CRYBG1: variants seen among roughly 807,000 people sequenced by gnomAD.
The protein encoded by CRYBG1 is beta/gamma crystallin domain-containing protein 1.
A neutral mutation model predicts 189.2 loss-of-function variants in CRYBG1; 139 were observed. The observed-to-expected ratio is 0.73, with a 90% CI of 0.64 to 0.85. The LOEUF is 0.85. Ranked by LOEUF, CRYBG1 falls within the 40% of genes least tolerant of loss-of-function variation. The pLI, the probability that CRYBG1 is intolerant of heterozygous loss-of-function variation, is 0.00. For missense variants in CRYBG1, 2,611 were observed against 2,675.8 expected, an observed-to-expected ratio of 0.98 and a Z score of 0.53; for synonymous variants, 1,023 against 1,017.1, an observed-to-expected ratio of 1.01 and a Z score of -0.11.
chr6:106,421,418 G>A (rs1443207038), intron 1 of CRYBG1, among the ~76,000 whole-genome samples: 1 of 152,156 alleles, frequency 6.6e-6, no homozygotes, highest in African/African-American at 2.4e-5. Flanking sequence ...TGGCAGTGGG[G>A]AAGATGGGGT....
intron 1 of CRYBG1, among the ~76,000 whole-genome samples, chr6:106,434,293 CCA>C (rs1262893952): frequency 6.6e-6 from 1 of 151,978 alleles, no homozygotes; most frequent in Non-Finnish European, 1.5e-5. Context: ...GGCGTAAATA[CCA>C]GAAGGTGAGG....
At chr6:106,390,317 C>T (rs803526) in intron 1 of CRYBG1, among the ~76,000 whole-genome samples, 68,367 of 151,830 alleles carry the variant, frequency 0.45, 16,151 homozygotes, top group East Asian at 0.67. Flanking sequence ...GGTTCTTTGG[C>T]ACTTCCTTAC....
chr6:106,424,679 C>T (rs1422793112), intron 1 of CRYBG1, among the ~76,000 whole-genome samples: 1 of 152,150 alleles, frequency 6.6e-6, no homozygotes, highest in African/African-American at 2.4e-5. Flanking sequence ...CCAGGCTGCT[C>T]TCAAACTCCT....
At chr6:106,508,295 T>C (rs1349481800) in intron 2 of CRYBG1, among the ~76,000 whole-genome samples, 1 of 116,904 alleles carries the variant, frequency 8.6e-6, no homozygotes, top group East Asian at 3.2e-4. Context: ...CTATTCTTTA[T>C]TTCCCAGGGG....
chr6:106,465,579 G>A (rs918612397), intron 2 of CRYBG1, among the ~76,000 whole-genome samples: 22 of 152,102 alleles, frequency 1.4e-4, no homozygotes, highest in African/African-American at 7.2e-5. Flanking sequence ...CGCTGAATCC[G>A]TGTAGATTTC....
chr6:106,532,960 C>T (rs6928541), intron 8 of CRYBG1, among the ~76,000 whole-genome samples: 103,823 of 152,050 alleles, frequency 0.68, 36,174 homozygotes, highest in South Asian at 0.84. Flanking sequence ...CTACCATGTG[C>T]CAGGTGCTTT....
intron 2 of CRYBG1, among the ~76,000 whole-genome samples, chr6:106,474,177 A>G (rs1270202981): frequency 6.6e-6 from 1 of 152,202 alleles, no homozygotes; most frequent in African/African-American, 2.4e-5. Context: ...TGTTTTTACT[A>G]TAAACCATCT....
At chr6:106,487,604 T>A (rs779735375) in intron 2 of CRYBG1, among the ~76,000 whole-genome samples, 7 of 152,196 alleles carry the variant, frequency 4.6e-5, no homozygotes, top group Non-Finnish European at 8.8e-5. Flanking sequence ...TTACTGTATT[T>A]TTTATTCACT....
At chr6:106,458,654 G>T (rs905922408) in intron 2 of CRYBG1, among the ~76,000 whole-genome samples, 1 of 152,228 alleles carries the variant, frequency 6.6e-6, no homozygotes, top group East Asian at 1.9e-4. Flanking sequence ...TTCAGTTCTA[G>T]TATGAACTTT....
intron 1 of CRYBG1, among the ~76,000 whole-genome samples, chr6:106,442,522 A>C (rs2114423407): frequency 6.6e-6 from 1 of 152,346 alleles, no homozygotes; most frequent in African/African-American, 2.4e-5. Flanking sequence ...AATAATAACC[A>C]ACAGACCAGT....
In CRYBG1 at chr6:106,527,413, C is replaced by A. The variant is rs1028996917; in HGVS notation, c.4521C>A (p.His1507Gln). 1.9e-6 allele frequency: 3 copies of A among 1,613,506 alleles called. No individual in the cohort carries two copies. The highest frequency in any genetic ancestry group is 2.7e-5 in the African/African-American group (2 of 74,840). ...LWGIEDILER[H>Q]EEAESDKPVV... is the part of the protein sequence containing the mutation. ...GTATAGAAGACATTTTGGAAAGGCA[C>A]GAAGAAGCAGAGTCTGATAAGCCAG... The change falls in exon 7 of 22, where the codon CAC (histidine) becomes CAA (glutamine). Residue 1507 changes from histidine (H) to glutamine (Q), a missense_variant. Around this residue, in one of 3 missense-constraint regions of CRYBG1, gnomAD observed 1,622 missense variants for 1,735.0 expected, o/e 0.93. Coordinates refer to ENST00000633556, the MANE Select transcript of CRYBG1 (RefSeq NM_001371242.2).
chr6:106,419,073 A>G (rs575038124), intron 1 of CRYBG1, among the ~76,000 whole-genome samples: 42 of 152,282 alleles, frequency 2.8e-4, no homozygotes, highest in Non-Finnish European at 3.5e-4. Flanking sequence ...TACTGTACAC[A>G]TGGTTGACAA....
chr6:106,378,796 C>A (rs1770224769), intron 1 of CRYBG1, among the ~76,000 whole-genome samples: 1 of 152,146 alleles, frequency 6.6e-6, no homozygotes. Context: ...AATGTCTTTT[C>A]TTCCTCCTCC....
intron 13 of CRYBG1, among the ~76,000 whole-genome samples, chr6:106,551,278 G>A (rs767932054): frequency 1.3e-5 from 2 of 152,078 alleles, no homozygotes; most frequent in Non-Finnish European, 2.9e-5. Context: ...TTGATTTTCT[G>A]TTTGTGTTAA....
At chr6:106,473,808 AT>A (rs1772283903) in intron 2 of CRYBG1, among the ~76,000 whole-genome samples, 1 of 152,200 alleles carries the variant, frequency 6.6e-6, no homozygotes. Context: ...GGCACATGAC[AT>A]AATTTTCTGG....
chr6:106,414,267 G>A (rs1202907619), intron 1 of CRYBG1, among the ~76,000 whole-genome samples: 2 of 152,236 alleles, frequency 1.3e-5, no homozygotes, highest in Non-Finnish European at 2.9e-5. Context: ...CTGATGCTTA[G>A]CAACATATCT....
intron 1 of CRYBG1, among the ~76,000 whole-genome samples, chr6:106,370,874 C>T: frequency 6.6e-6 from 1 of 152,136 alleles, no homozygotes; most frequent in Non-Finnish European, 1.5e-5. Context: ...GTTTCATAAA[C>T]TAACAACGAT....
At chr6:106,491,664 A>T (rs1033391153) in intron 2 of CRYBG1, among the ~76,000 whole-genome samples, 2 of 151,750 alleles carry the variant, frequency 1.3e-5, no homozygotes, top group Non-Finnish European at 2.9e-5. Flanking sequence ...CCATTTCCAT[A>T]TGTGGTGGTC....
intron 1 of CRYBG1, among the ~76,000 whole-genome samples, chr6:106,415,857 A>G (rs563476887): frequency 1.3e-5 from 2 of 152,098 alleles, no homozygotes; most frequent in East Asian, 3.9e-4. Context: ...CTCCTATAAC[A>G]TTTCCTCATG....
Sources: gnomAD v4.1 joint callset for allele counts (sites outside exome capture counted in the v4.1 genomes callset) on GRCh38, gnomAD v4.1.1 for gene constraint, gnomAD v4.1.1 regional missense constraint, MANE v1.5 for transcripts, NCBI Gene and HGNC (gene_info 2026-07-23, HGNC 2026-07-21) for gene names.